The following WWOX variants were observed in gnomAD, a reference collection of about 807,000 sequenced individuals.
The protein encoded by WWOX is WW domain containing oxidoreductase, also known as WW domain-containing oxidoreductase.
A neutral mutation model predicts 46.2 loss-of-function variants in WWOX; 69 were observed. The ratio of observed to expected loss-of-function variants is 1.49; its 90% CI spans 1.23 to 1.82. WWOX has a LOEUF of 1.82. Ranked by LOEUF, WWOX falls within the 40% of genes most tolerant of loss-of-function variation. The probability of loss-of-function intolerance (pLI) is 0.00; values close to 1 mark genes in which losing one functional copy is unlikely to be tolerated. For missense variants in WWOX, 919 were observed against 542.6 expected (o/e 1.69, Z -6.89); for synonymous variants, 359 against 202.6 (o/e 1.77, Z -6.56).
At chr16:78,510,904 C>T (rs567305498) in intron 8 of WWOX, among the ~76,000 whole-genome samples, 3 of 152,296 alleles carry the variant, frequency 2.0e-5, no homozygotes, top group Non-Finnish European at 2.9e-5. Flanking sequence ...GGCACAGAGT[C>T]GCAAAGCCAC....
chr16:78,697,406 G>A (rs2048123574), intron 8 of WWOX, among the ~76,000 whole-genome samples: 1 of 152,262 alleles, frequency 6.6e-6, no homozygotes, highest in East Asian at 1.9e-4. Flanking sequence ...AAATAGGTGG[G>A]ACTTAATTAA....
intron 5 of WWOX, chr16:78,270,127 A>G (rs887677983): frequency 2.0e-5 from 3 of 152,086 alleles, no homozygotes; most frequent in South Asian, 2.1e-4. Context: ...AAATACATAA[A>G]TCTGCTTGAT....
At chr16:78,631,901 C>G (rs1287524012) in intron 8 of WWOX, among the ~76,000 whole-genome samples, 1 of 151,984 alleles carries the variant, frequency 6.6e-6, no homozygotes, top group Non-Finnish European at 1.5e-5. Context: ...CTTACATGCA[C>G]TTTTTGATTT....
chr16:78,768,128 G>C (rs1039422626), intron 8 of WWOX, among the ~76,000 whole-genome samples: 1 of 146,944 alleles, frequency 6.8e-6, no homozygotes, highest in African/African-American at 2.5e-5. Flanking sequence ...TCTTGGCTTT[G>C]GATTTTGTCC....
At chr16:78,408,409 G>A (rs989013928) in intron 6 of WWOX, among the ~76,000 whole-genome samples, 7 of 152,048 alleles carry the variant, frequency 4.6e-5, no homozygotes, top group African/African-American at 1.7e-4. Context: ...CTTCAGGTAG[G>A]GGAACCACCC....
chr16:78,661,711 A>C (rs2047218164), intron 8 of WWOX, among the ~76,000 whole-genome samples: 1 of 152,072 alleles, frequency 6.6e-6, no homozygotes, highest in African/African-American at 2.4e-5. Flanking sequence ...GGCAGTGCAA[A>C]TTGTTTCTGG....
intron 6 of WWOX, among the ~76,000 whole-genome samples, chr16:78,404,176 C>CG (rs1226457764): frequency 1.3e-5 from 2 of 151,882 alleles, no homozygotes; most frequent in Non-Finnish European, 2.9e-5. Context: ...GGGAGGGACT[C>CG]GGGGGTTTTT....
intron 8 of WWOX, among the ~76,000 whole-genome samples, chr16:78,884,269 T>C (rs1296436090): frequency 9.8e-6 from 1 of 102,136 alleles, no homozygotes; most frequent in Non-Finnish European, 1.8e-5. Context: ...TGAGACCCTG[T>C]CTCCAAAAAA....
At chr16:78,218,553 C>G (rs1396606879) in intron 5 of WWOX, among the ~76,000 whole-genome samples, 5 of 152,028 alleles carry the variant, frequency 3.3e-5, no homozygotes, top group Admixed American at 3.3e-4. Flanking sequence ...ACCGCCAACC[C>G]ACAGGAAAAC....
intron 8 of WWOX, among the ~76,000 whole-genome samples, chr16:79,123,582 G>A (rs1442435374): frequency 6.6e-6 from 1 of 152,040 alleles, no homozygotes; most frequent in Non-Finnish European, 1.5e-5. Flanking sequence ...ACCCAGAAGG[G>A]TCTCATCTAA....
At chr16:78,780,262 A>G (rs4035780) in intron 8 of WWOX, among the ~76,000 whole-genome samples, 48,818 of 151,956 alleles carry the variant, frequency 0.32, 8,301 homozygotes, top group South Asian at 0.38. Flanking sequence ...CAGGAGAGGG[A>G]GATCCATAAA....
chr16:78,521,119 C>T (rs1022699002), intron 8 of WWOX, among the ~76,000 whole-genome samples: 5 of 152,220 alleles, frequency 3.3e-5, no homozygotes, highest in African/African-American at 1.2e-4. Flanking sequence ...TGCTTTAAAA[C>T]ATTTGACAGC....
chr16:78,693,284 A>G (rs2048030364), intron 8 of WWOX, among the ~76,000 whole-genome samples: 1 of 152,134 alleles, frequency 6.6e-6, no homozygotes, highest in Non-Finnish European at 1.5e-5. Context: ...TACAAAGAGA[A>G]TGCTTCCCGT....
chr16:78,657,367 C>T (rs1037799045), intron 8 of WWOX, among the ~76,000 whole-genome samples: 1 of 152,092 alleles, frequency 6.6e-6, no homozygotes, highest in Non-Finnish European at 1.5e-5. Flanking sequence ...TCATAGTTCT[C>T]CCCCATCCTG....
intron 5 of WWOX, among the ~76,000 whole-genome samples, chr16:78,164,985 A>T (rs1567607892): frequency 6.6e-6 from 1 of 152,232 alleles, no homozygotes; most frequent in Non-Finnish European, 1.5e-5. Flanking sequence ...TGCAGATGTC[A>T]AGAGAAGTAT....
At chr16:78,375,139 C>A (rs1291661458) in intron 5 of WWOX, among the ~76,000 whole-genome samples, 1 of 152,180 alleles carries the variant, frequency 6.6e-6, no homozygotes, top group African/African-American at 2.4e-5. Context: ...TCTGGAGATC[C>A]TCTGAAAGAT....
At chr16:78,713,989 C>G (rs551759797) in intron 8 of WWOX, among the ~76,000 whole-genome samples, 2 of 152,116 alleles carry the variant, frequency 1.3e-5, no homozygotes, top group Non-Finnish European at 2.9e-5. Flanking sequence ...TGTGTGTACT[C>G]TAGTTCTCTT....
chr16:79,175,190 C>T (rs2050776554), intron 8 of WWOX, among the ~76,000 whole-genome samples: 3 of 152,166 alleles, frequency 2.0e-5, no homozygotes, highest in Admixed American at 1.3e-4. Context: ...TAATATGCCT[C>T]ATTCTAGTTG....
In WWOX at chr16:78,468,681, C is replaced by T. The variant is rs566856712; in HGVS notation, c.1056+35929C>T. ...TAGTTCATGGACCTAGCCTACGTTA[C>T]TGCACCTGTTTGAGCCTCAGTTTTC... On this transcript the variant is annotated intron_variant, in intron 8 of 8. Transcript: ENST00000566780. 7.7e-4 allele frequency among the ~76,000 whole-genome samples: 118 copies of T among 152,300 alleles called. 1 individual carries two copies. The highest frequency in any genetic ancestry group is 2.7e-3 in the African/African-American group (114 of 41,558).
Sources: gnomAD v4.1 joint callset for allele counts (sites outside exome capture counted in the v4.1 genomes callset) on GRCh38, gnomAD v4.1.1 for gene constraint, MANE v1.5 for transcripts, NCBI Gene and HGNC (gene_info 2026-07-23, HGNC 2026-07-21) for gene names.